The following TUSC3 variants were observed in gnomAD, a reference collection of about 807,000 sequenced individuals.
The protein encoded by TUSC3 is tumor suppressor candidate 3, also known as dolichyl-diphosphooligosaccharide--protein glycosyltransferase subunit TUSC3.
In TUSC3, 45 loss-of-function variants were observed where a neutral mutation model predicts 44.8. The ratio of observed to expected loss-of-function variants is 1.00; its 90% CI spans 0.79 to 1.29. The LOEUF is 1.29. Among genes scored for constraint, TUSC3 ranks in the 50% most tolerant of loss-of-function variants. The pLI, the probability that TUSC3 is intolerant of heterozygous loss-of-function variation, is 0.00. For synonymous variants in TUSC3, 212 were observed against 152.9 expected, an observed-to-expected ratio of 1.39 and a Z score of -2.85; for missense variants, 519 against 437.9, an observed-to-expected ratio of 1.19 and a Z score of -1.65.
chr8:15,545,385 A>C (rs1182211963), intron 1 of TUSC3, among the ~76,000 whole-genome samples: 2 of 151,686 alleles, frequency 1.3e-5, no homozygotes, highest in East Asian at 3.9e-4. Context: ...GGTCTTTAAA[A>C]ATGGGCAGTA....
intron 1 of TUSC3, among the ~76,000 whole-genome samples, chr8:15,614,365 G>C (rs1358644280): frequency 2.6e-5 from 4 of 152,056 alleles, no homozygotes; most frequent in Non-Finnish European, 5.9e-5. Flanking sequence ...AGTAACTTTA[G>C]TGAGTGGTAC....
intron 9 of TUSC3, among the ~76,000 whole-genome samples, chr8:15,753,982 G>T (rs1243241105): frequency 1.3e-5 from 2 of 152,038 alleles, no homozygotes; most frequent in African/African-American, 4.8e-5. Context: ...AGAAGAGAAA[G>T]ACCTTTTCCC....
intron 1 of TUSC3, among the ~76,000 whole-genome samples, chr8:15,581,146 C>A (rs1175513437): frequency 3.2e-5 from 4 of 124,406 alleles, no homozygotes; most frequent in African/African-American, 1.3e-4. Context: ...ACGTAGTTCT[C>A]GAGCCTTGGT....
chr8:15,442,404 T>C (rs905988304), intron 1 of TUSC3, among the ~76,000 whole-genome samples: 5 of 152,096 alleles, frequency 3.3e-5, no homozygotes, highest in Non-Finnish European at 7.4e-5. Context: ...GGTAAAGTTA[T>C]TAGAAGGGCT....
chr8:15,689,821 GGTGTGTGTGTGT>G (rs71543657), intron 6 of TUSC3, among the ~76,000 whole-genome samples: 1,416 of 131,044 alleles, frequency 0.011, 8 homozygotes, highest in Non-Finnish European at 0.017. Context: ...AATAGTCCAT[GGTGTGTGTGTGT>G]GTGTGTGTGT....
At chr8:15,564,730 G>A (rs989130700) in intron 1 of TUSC3, among the ~76,000 whole-genome samples, 2 of 152,146 alleles carry the variant, frequency 1.3e-5, no homozygotes, top group South Asian at 4.2e-4. Context: ...AGGCGATGGA[G>A]TGTAAACAGA....
chr8:15,749,381 A>C (rs998943397), intron 9 of TUSC3, among the ~76,000 whole-genome samples: 1 of 152,150 alleles, frequency 6.6e-6, no homozygotes, highest in Non-Finnish European at 1.5e-5. Flanking sequence ...CTAATCCCAT[A>C]AAAGGGAGAT....
chr8:15,840,733 G>A, the TUSC3 span, among the ~76,000 whole-genome samples: 1 of 152,060 alleles, frequency 6.6e-6, no homozygotes, highest in African/African-American at 2.4e-5. Context: ...AAATTCCATT[G>A]TGCTTATAAT....
At chr8:15,433,616 G>A (rs1043603594) in intron 1 of TUSC3, among the ~76,000 whole-genome samples, 3 of 151,636 alleles carry the variant, frequency 2.0e-5, no homozygotes, top group African/African-American at 7.3e-5. Flanking sequence ...ACATGCCAGG[G>A]CTTAAGCGTT....
intron 2 of TUSC3, among the ~76,000 whole-genome samples, chr8:15,514,248 A>G (rs1235706384): frequency 1.3e-5 from 2 of 152,194 alleles, no homozygotes; most frequent in Non-Finnish European, 2.9e-5. Context: ...TGATGAAAGC[A>G]TCATTAGGTC....
chr8:15,770,020 C>G (rs578073936), downstream of TUSC3, among the ~76,000 whole-genome samples: 63 of 152,224 alleles, frequency 4.1e-4, no homozygotes, highest in African/African-American at 1.5e-3. Context: ...CCTCAAGGTT[C>G]TAGAATCAGA....
chr8:15,663,829 A>G (rs1400589041), intron 5 of TUSC3, among the ~76,000 whole-genome samples: 1 of 151,884 alleles, frequency 6.6e-6, no homozygotes, highest in Non-Finnish European at 1.5e-5. Flanking sequence ...TGCTTAATTC[A>G]GTAAAGCTAC....
intron 9 of TUSC3, among the ~76,000 whole-genome samples, chr8:15,750,481 A>T (rs1484234174): frequency 6.6e-6 from 1 of 151,944 alleles, no homozygotes; most frequent in African/African-American, 2.4e-5. Context: ...TGACAGCCCT[A>T]TTTTTGTTAC....
At chr8:15,744,498 C>T (rs1487622735) in intron 8 of TUSC3, among the ~76,000 whole-genome samples, 2 of 151,930 alleles carry the variant, frequency 1.3e-5, no homozygotes, top group Non-Finnish European at 2.9e-5. Flanking sequence ...GTATAGGTAT[C>T]TGAAAAAGAG....
At chr8:15,457,398 A>G (rs1309978903) in intron 1 of TUSC3, among the ~76,000 whole-genome samples, 2 of 151,878 alleles carry the variant, frequency 1.3e-5, no homozygotes, top group Non-Finnish European at 2.9e-5. Context: ...GCCAATAATC[A>G]TATGTGATTG....
intron 1 of TUSC3, among the ~76,000 whole-genome samples, chr8:15,619,849 A>G (rs1291133853): frequency 6.6e-6 from 1 of 152,114 alleles, no homozygotes; most frequent in Non-Finnish European, 1.5e-5. Context: ...AGGACAGATT[A>G]TATTTATGAA....
chr8:15,512,887 C>G (rs1326522210), intron 2 of TUSC3, among the ~76,000 whole-genome samples: 11 of 81,102 alleles, frequency 1.4e-4, no homozygotes, highest in Admixed American at 9.2e-4. Flanking sequence ...TATATATATA[C>G]ACACAATTCT....
At chr8:15,436,752 G>T (rs1329890242) in intron 1 of TUSC3, among the ~76,000 whole-genome samples, 1 of 152,240 alleles carries the variant, frequency 6.6e-6, no homozygotes, top group East Asian at 1.9e-4. Context: ...GTTTCATAGT[G>T]TGCAAGTGTC....
At chr8:15,479,129 G>A (rs1800623940) in intron 1 of TUSC3, among the ~76,000 whole-genome samples, 1 of 152,060 alleles carries the variant, frequency 6.6e-6, no homozygotes, top group African/African-American at 2.4e-5. Context: ...TAATGGGGTT[G>A]TTTGATTTTT....
Sources: gnomAD v4.1 joint callset for allele counts (sites outside exome capture counted in the v4.1 genomes callset) on GRCh38, gnomAD v4.1.1 for gene constraint, MANE v1.5 for transcripts, NCBI Gene and HGNC (gene_info 2026-07-23, HGNC 2026-07-21) for gene names.